Variants in TRHDE observed in about 807,000 individuals in gnomAD.
The protein encoded by TRHDE is thyrotropin releasing hormone degrading enzyme.
TRHDE carries 72 observed loss-of-function variants against 125.7 expected under a neutral mutation model. The ratio of observed to expected loss-of-function variants is 0.57; its 90% CI spans 0.47 to 0.70. The LOEUF (loss-of-function observed/expected upper bound fraction) is 0.70, where lower values mean the gene tolerates loss of function less well. Among genes scored for constraint, TRHDE ranks in the 30% least tolerant of loss-of-function variants. The pLI, the probability that TRHDE is intolerant of heterozygous loss-of-function variation, is 0.00. For synonymous variants in TRHDE, 509 were observed against 509.1 expected, an observed-to-expected ratio of 1.00 and a Z score of 0.00; for missense variants, 1,110 against 1,327.1, an observed-to-expected ratio of 0.84 and a Z score of 2.54.
At chr12:72,390,284 A>G (rs575978304) in intron 3 of TRHDE, among the ~76,000 whole-genome samples, 25 of 152,200 alleles carry the variant, frequency 1.6e-4, no homozygotes, top group Non-Finnish European at 2.9e-4. Context: ...AATCCTCTTC[A>G]TGGAGTGAGT....
rs1366389774 is a variant in TRHDE, at chr12:72,499,589, A to T, written c.1676A>T (p.Gln559Leu). The T allele has an allele frequency of 6.2e-7, 1 of 1,613,816 alleles. No homozygotes were observed. Among genetic ancestry groups the T allele is most frequent in the East Asian group, 2.2e-5 (1 of 44,872 alleles). Residue 559 changes from glutamine to leucine, a missense_variant, in exon 6 of 19, where the codon CAG (glutamine) becomes CTG (leucine). Transcript: ENST00000261180. ...CATCCAGTATCACAGGAAGTGCTGC[A>T]GGCAACAGATATTGACAGGGTGTTT... ...SSHPVSQEVL[Q>L]ATDIDRVFDW...
chr12:72,548,167 T>C (rs1869510619), intron 7 of TRHDE, among the ~76,000 whole-genome samples: 1 of 151,916 alleles, frequency 6.6e-6, no homozygotes, highest in African/African-American at 2.4e-5. Context: ...GACCCAGTGT[T>C]GTTGAATTTC....
chr12:72,473,069 GT>G lies in TRHDE; in HGVS notation c.1476del (p.Phe492LeufsTer5), dbSNP rs1876722896. Reference sequence around the variant, plus strand: ...GACCATTAATTTTGTTACTGCAGTGGTTTGGTGACCTTGTGACGCCTGTGTG... The same window carrying G: ...GACCATTAATTTTGTTACTGCAGTGGTTGGTGACCTTGTGACGCCTGTGTG... ...VIVHEICHQW[F>X]GDLVTPVWWE... is the part of the protein sequence containing the mutation. On this transcript the variant is annotated frameshift_variant, in exon 5 of 19. Transcript: ENST00000261180. LOFTEE classifies it high-confidence loss of function. 1 of 1,613,132 alleles carries G rather than the reference GT, an allele frequency of 6.2e-7. No individual in the cohort carries two copies.
chr12:72,415,766 A>G (rs1489244177), intron 3 of TRHDE, among the ~76,000 whole-genome samples: 1 of 151,954 alleles, frequency 6.6e-6, no homozygotes, highest in African/African-American at 2.4e-5. Flanking sequence ...TATGTATCAC[A>G]TTTTCTTTAT....
chr12:72,371,901 A>G (rs1871613672), intron 2 of TRHDE, among the ~76,000 whole-genome samples: 1 of 152,208 alleles, frequency 6.6e-6, no homozygotes, highest in Admixed American at 6.5e-5. Context: ...CTTTGGGTAT[A>G]TTCCCAGTAA....
chr12:72,212,364 AT>A (rs1250832996), intron 2 of TRHDE, among the ~76,000 whole-genome samples: 3 of 152,136 alleles, frequency 2.0e-5, no homozygotes, highest in African/African-American at 7.2e-5. Flanking sequence ...AAAAAAAAAG[AT>A]AAATTGAACT....
intron 2 of TRHDE, among the ~76,000 whole-genome samples, chr12:72,190,109 C>T (rs563212679): frequency 6.6e-6 from 1 of 152,198 alleles, no homozygotes; most frequent in Admixed American, 6.5e-5. Context: ...TTTTTTGCCT[C>T]ACCAGGCATT....
At chr12:72,190,347 GT>G (rs2139348247) in intron 2 of TRHDE, among the ~76,000 whole-genome samples, 1 of 152,316 alleles carries the variant, frequency 6.6e-6, no homozygotes, top group South Asian at 2.1e-4. Context: ...TAATTGGGCA[GT>G]GCACAGATGC....
chr12:72,181,668 A>G (rs1877099251), intron 2 of TRHDE, among the ~76,000 whole-genome samples: 1 of 152,170 alleles, frequency 6.6e-6, no homozygotes, highest in Non-Finnish European at 1.5e-5. Context: ...GATTTGAAGC[A>G]TGATTTTCAT....
intron 2 of TRHDE, among the ~76,000 whole-genome samples, chr12:72,356,675 C>A (rs898887964): frequency 6.6e-6 from 1 of 150,994 alleles, no homozygotes; most frequent in Admixed American, 6.6e-5. Flanking sequence ...GTAGTGGATG[C>A]GGAGAAAAAT....
At chr12:72,637,346 G>A (rs1334906169) in intron 15 of TRHDE, among the ~76,000 whole-genome samples, 1 of 152,148 alleles carries the variant, frequency 6.6e-6, no homozygotes, top group Non-Finnish European at 1.5e-5. Flanking sequence ...GATTGGTGGT[G>A]ATATCCCCTT....
intron 5 of TRHDE, among the ~76,000 whole-genome samples, chr12:72,487,193 A>G (rs1020849023): frequency 4.6e-5 from 7 of 152,158 alleles, no homozygotes; most frequent in Non-Finnish European, 2.9e-5. Flanking sequence ...CAATTTTCAG[A>G]GGAAAAGAGA....
chr12:72,576,455 TTAAAAAGCATATTAC>T (rs1870999497), intron 12 of TRHDE, among the ~76,000 whole-genome samples: 2 of 152,104 alleles, frequency 1.3e-5, no homozygotes, highest in African/African-American at 2.4e-5. Flanking sequence ...CTTCCATATG[TTAAAAAGCATATTAC>T]ACACTACAGG....
intron 2 of TRHDE, among the ~76,000 whole-genome samples, chr12:72,349,307 A>G (rs1179516464): frequency 2.0e-5 from 3 of 152,060 alleles, no homozygotes; most frequent in Admixed American, 6.6e-5. Flanking sequence ...TGACTATTTT[A>G]TTGCCTTTAT....
At chr12:72,517,752 G>C (rs1325944251) in intron 6 of TRHDE, among the ~76,000 whole-genome samples, 3 of 151,148 alleles carry the variant, frequency 2.0e-5, no homozygotes, top group Non-Finnish European at 4.4e-5. Context: ...GTCAATTTTG[G>C]ATCTTTCCTG....
intron 3 of TRHDE, among the ~76,000 whole-genome samples, chr12:72,429,747 G>A (rs1021108734): frequency 1.3e-5 from 2 of 151,960 alleles, no homozygotes; most frequent in African/African-American, 4.8e-5. Context: ...TCTCATCATA[G>A]TTTGATTGGC....
intron 3 of TRHDE, among the ~76,000 whole-genome samples, chr12:72,389,158 T>G (rs999894928): frequency 2.6e-5 from 4 of 151,830 alleles, no homozygotes; most frequent in African/African-American, 9.7e-5. Flanking sequence ...TGTTGCTGGG[T>G]GGAGAGGGAT....
intron 6 of TRHDE, among the ~76,000 whole-genome samples, chr12:72,500,053 A>C (rs547836474): frequency 6.6e-6 from 1 of 152,340 alleles, no homozygotes; most frequent in South Asian, 2.1e-4. Flanking sequence ...GACATGATGC[A>C]TGCATCTTAT....
At chr12:72,449,639 T>C (rs1875475951) in intron 3 of TRHDE, among the ~76,000 whole-genome samples, 1 of 151,878 alleles carries the variant, frequency 6.6e-6, no homozygotes, top group Non-Finnish European at 1.5e-5. Context: ...CCCTTTTCCA[T>C]TAACATAAAA....
Sources: gnomAD v4.1 joint callset for allele counts (sites outside exome capture counted in the v4.1 genomes callset) on GRCh38, gnomAD v4.1.1 for gene constraint, MANE v1.5 for transcripts, NCBI Gene and HGNC (gene_info 2026-07-23, HGNC 2026-07-21) for gene names.